Variants in GLT8D1 observed in about 807,000 individuals in gnomAD.
The protein encoded by GLT8D1 is glycosyltransferase 8 domain-containing protein 1.
Under a neutral mutation model 46.2 loss-of-function variants are expected in GLT8D1, and 41 were observed. That is an observed-to-expected ratio of 0.89 (90% CI 0.69 to 1.15). The LOEUF is 1.15. Among genes scored for constraint, GLT8D1 ranks in the 50% most tolerant of loss-of-function variants. The pLI is 0.00. For missense variants in GLT8D1, 408 were observed against 449.3 expected, an observed-to-expected ratio of 0.91 and a Z score of 0.83; for synonymous variants, 150 against 154.2, an observed-to-expected ratio of 0.97 and a Z score of 0.20.
At chr3:52,695,639 C>T in intron 7 of GLT8D1, 52 bp from the exon 8 acceptor site, 2 of 1,059,238 alleles carry the variant, frequency 1.9e-6, no homozygotes, top group South Asian at 2.7e-5. Context: ...AAAATAGATA[C>T]AATTTTATAG....
chr3:52,702,286 A>G (rs987531669), intron 1 of GLT8D1, among the ~76,000 whole-genome samples: 4 of 152,234 alleles, frequency 2.6e-5, no homozygotes, highest in Admixed American at 1.3e-4. Context: ...TCATGCCTAT[A>G]ATCCCAAAAT....
At chr3:52,699,620 T>C (rs1250046087) in intron 3 of GLT8D1, among the ~76,000 whole-genome samples, 1 of 152,208 alleles carries the variant, frequency 6.6e-6, no homozygotes, top group Non-Finnish European at 1.5e-5. Flanking sequence ...ATTACAGGCA[T>C]GAGCCACTGC....
At chr3:52,705,134 A>T (rs1433692514) in intron 1 of GLT8D1, 1 of 152,246 alleles carries the variant, frequency 6.6e-6, no homozygotes, top group Non-Finnish European at 1.5e-5. Flanking sequence ...TCTCTCCAAA[A>T]CGTGGGCATC....
At position 52,705,758 on chromosome 3, in the gene GLT8D1, T is replaced by C. The variant is rs2097343822; in HGVS notation, c.-348A>G. The C allele has an allele frequency of 9.5e-6, 10 of 1,054,054 alleles. No individual in the cohort carries two copies. The highest frequency in any genetic ancestry group is 4.9e-6 in the Non-Finnish European group (4 of 822,892). 65.3% of individuals were successfully genotyped at this position (1,054,054 alleles called of 1,614,324 possible). The stretch of plus-strand genomic sequence containing the variant: ...ACTACGCCCAGCCAGCCCGCAGCGG[T>C]AACCGCTAGAGCGTCGCGCCAAGCA... On this transcript the variant is annotated 5_prime_UTR_variant, in exon 1 of 10. Transcript: ENST00000266014.
intron 1 of GLT8D1, 31 bp from the exon 2 acceptor site, chr3:52,700,527 G>C: frequency 9.5e-7 from 1 of 1,052,232 alleles, no homozygotes; most frequent in Non-Finnish European, 1.4e-6. Context: ...CCCAAAGTCA[G>C]TAAGCACATG....
chr3:52,694,980 G>A lies in GLT8D1; in HGVS notation c.981C>T (p.Leu327=), dbSNP rs1365458948. 1.2e-6 allele frequency: 2 copies of A among 1,612,242 alleles called. No individual in the cohort carries two copies. Among genetic ancestry groups the A allele is most frequent in the Admixed American group, 1.7e-5 (1 of 60,022 alleles). ...ATGGCTTCAAATGTCCATTCCAATG[G>A]AGTAACTTGGCAGCCTTTACAAACT... ...SPQFVKAAKL[L]HWNGHLKPWG... is the part of the protein sequence containing the mutation. Residue 327 remains leucine (L), a synonymous_variant, in exon 10 of 10, where the codon CTC becomes CTT. Coordinates refer to ENST00000266014, the MANE Select transcript of GLT8D1 (RefSeq NM_018446.4).
At chr3:52,697,397 AT>A (rs2097334848) in intron 4 of GLT8D1, 1 of 346,136 alleles carries the variant, frequency 2.9e-6, no homozygotes, top group Admixed American at 4.1e-5. Context: ...TGTCCATGAA[AT>A]AAGGAACTTG....
rs1164250596 is a variant in GLT8D1 at position 52,695,420 on chromosome 3, C to T, written c.812+1G>A. 8 of 1,612,770 alleles carry T rather than the reference C, an allele frequency of 5.0e-6. No homozygotes were observed. Among genetic ancestry groups the T allele is most frequent in the Admixed American group, 1.7e-5 (1 of 59,970 alleles). ...CACAGCTAGGCCAGTTACATACTTA[C>T]TCTACATTGAGTTTCATCCATTTTT... On this transcript the variant is annotated splice_donor_variant, in intron 8 of 9. Coordinates refer to ENST00000266014, the MANE Select transcript of GLT8D1 (RefSeq NM_018446.4). LOFTEE classifies it high-confidence loss of function.
chr3:52,695,101 A>G (rs1487042166), intron 9 of GLT8D1, 66 bp from the exon 10 acceptor site: 9 of 1,454,138 alleles, frequency 6.2e-6, no homozygotes, highest in South Asian at 2.3e-5. Context: ...AACTTACTTA[A>G]GGGAAACAAA....
At position 52,694,583 on chromosome 3, in the gene GLT8D1, T is replaced by C; in HGVS notation, c.*262A>G. ...AATTATCTGTACCAGCTAGCTGAACTAGCCATATCAGTTCTTCTTTCCAGT... is the reference window on the plus strand; with the variant it reads ...AATTATCTGTACCAGCTAGCTGAACCAGCCATATCAGTTCTTCTTTCCAGT... On this transcript the variant is annotated 3_prime_UTR_variant, in exon 10 of 10. Transcript: ENST00000266014. 3.4e-6 allele frequency: 2 copies of C among 594,612 alleles called. No individual in the cohort carries two copies. Among genetic ancestry groups the C allele is most frequent in the Middle Eastern group, 4.4e-4 (1 of 2,270 alleles). The allele number at this position is 594,612 out of a possible 1,614,324, so 36.8% of individuals were successfully genotyped here. A position where few individuals can be genotyped will look rare whatever the true frequency, so the allele number is the denominator to read the frequency against.
intron 4 of GLT8D1, 150 bp downstream of exon 4, chr3:52,697,571 T>A: frequency 1.5e-6 from 1 of 656,768 alleles, no homozygotes; most frequent in Non-Finnish European, 2.7e-6. Flanking sequence ...AATACAGTCC[T>A]AAAAAAAATA....
Position 52,697,902 on chromosome 3 carries a change from A to C in GLT8D1, c.148T>G (p.Phe50Val). The C allele has an allele frequency of 6.2e-7, 1 of 1,613,388 alleles. No homozygotes were observed. The highest frequency in any genetic ancestry group is 8.5e-7 in the Non-Finnish European group (1 of 1,179,310). Residue 50 changes from phenylalanine (F) to valine (V), a missense_variant, in exon 4 of 10, where the codon TTT becomes GTT. Coordinates refer to ENST00000266014, the MANE Select transcript of GLT8D1 (RefSeq NM_018446.4). ...GCATGTCGGAGAGCATTTGGGACAA[A>C]GTCTATAGGTTGAGGCCCTACAATT... ...SGIVGPQPIDFVPNALRHAVD... is the reference protein window; with the variant it reads ...SGIVGPQPIDVVPNALRHAVD...
chr3:52,695,020 T>C lies in GLT8D1; in HGVS notation c.941A>G (p.Lys314Arg). Residue 314 changes from lysine (K) to arginine (R), a missense_variant, in exon 10 of 10, where the codon AAA becomes AGA. By Grantham distance (26) the Lys-to-Arg change is conservative. Coordinates refer to ENST00000266014, the MANE Select transcript of GLT8D1 (RefSeq NM_018446.4). ...NVRHLGSSAG[K>R]RYSPQFVKAA... ...CTTTACAAACTGAGGTGAATATCGT[T>C]TTCCAGCACTGGAACCTTACATTTG... The C allele has an allele frequency of 2.5e-6, 4 of 1,611,122 alleles. No homozygotes were observed. The highest frequency in any genetic ancestry group is 3.3e-4 in the Middle Eastern group (2 of 6,060).
intron 3 of GLT8D1, among the ~76,000 whole-genome samples, chr3:52,698,639 C>T (rs2097336435): frequency 6.6e-6 from 1 of 151,752 alleles, no homozygotes; most frequent in Non-Finnish European, 1.5e-5. Flanking sequence ...CAAGACTGTA[C>T]CACTGCACTC....
chr3:52,700,899 T>C (rs907892143), intron 1 of GLT8D1, among the ~76,000 whole-genome samples: 3 of 151,782 alleles, frequency 2.0e-5, no homozygotes, highest in Admixed American at 1.3e-4. Flanking sequence ...TCGTCTCTAC[T>C]AAAAACTGCA....
intron 1 of GLT8D1, chr3:52,701,323 G>A (rs912868492): frequency 6.7e-6 from 1 of 148,552 alleles, no homozygotes; most frequent in Admixed American, 6.8e-5. Context: ...AAAGTGTGGA[G>A]TACATTTCTA....
In GLT8D1 at chr3:52,700,068, G is replaced by C. The variant is rs553190408; in HGVS notation, c.115+194C>G. ...TCACTTTCTGAAGCCCTGTCCTGCT[G>C]ACATGTGAACAGATGGCAGCCCTCA... On this transcript the variant is annotated intron_variant, in intron 3 of 9. Coordinates refer to ENST00000266014, the MANE Select transcript of GLT8D1 (RefSeq NM_018446.4). Among the ~76,000 whole-genome samples, 194 of 152,306 alleles carry C rather than the reference G, an allele frequency of 1.3e-3. 1 individual carries two copies. Among genetic ancestry groups the C allele is most frequent in the African/African-American group, 4.3e-3 (177 of 41,562 alleles).
At chr3:52,695,904 AGG>A in intron 7 of GLT8D1, 22 bp downstream of exon 7, 1 of 1,278,896 alleles carries the variant, frequency 7.8e-7, no homozygotes, top group South Asian at 1.2e-5. Context: ...TTGTAGGAAG[AGG>A]GGTGTTTGGT....
At chr3:52,700,176 G>A (rs1241484162) in intron 3 of GLT8D1, 86 bp downstream of exon 3, 5 of 814,794 alleles carry the variant, frequency 6.1e-6, no homozygotes, top group African/African-American at 1.7e-5. Flanking sequence ...TAGTACTACC[G>A]GAAGAAGAAC....
Sources: allele counts gnomAD v4.1 joint callset (sites outside exome capture counted in the v4.1 genomes callset), GRCh38; gene constraint gnomAD v4.1.1; transcripts MANE v1.5; gene names NCBI Gene and HGNC (gene_info 2026-07-23, HGNC 2026-07-21).